Variants in ADAMTS19 observed in about 807,000 individuals in gnomAD.
ADAMTS19 encodes A disintegrin and metalloproteinase with thrombospondin motifs 19.
A neutral mutation model predicts 153.3 loss-of-function variants in ADAMTS19; 93 were observed. The ratio of observed to expected loss-of-function variants is 0.61; its 90% CI spans 0.51 to 0.72. The LOEUF (loss-of-function observed/expected upper bound fraction) is 0.72. Ranked by LOEUF, ADAMTS19 falls within the 30% of genes least tolerant of loss-of-function variation. The probability of loss-of-function intolerance (pLI) is 0.00; values close to 1 mark genes in which losing one functional copy is unlikely to be tolerated. For synonymous variants in ADAMTS19, 600 were observed against 556.6 expected, an observed-to-expected ratio of 1.08 and a Z score of -1.10; for missense variants, 1,482 against 1,552.1, an observed-to-expected ratio of 0.95 and a Z score of 0.76.
rs762828952 is a variant in ADAMTS19, at chr5:129,461,625, C to CGGCCCG, written c.620_621insGGGCCC (p.Gly208_Pro209dup). The stretch of plus-strand genomic sequence containing the variant: ...TCGCAGTGGAACAGCGGCCAAATCC[C>CGGCCCG]GGCCCCGGCCCCACGGGGGCAGCAT... On this transcript the variant is annotated inframe_insertion, in exon 2 of 23. Coordinates refer to ENST00000274487, the MANE Select transcript of ADAMTS19 (RefSeq NM_133638.6). The surrounding 1 kb of genome is among the most constrained non-coding windows in gnomAD (Gnocchi z 4.6). 1 of 1,592,510 alleles carries CGGCCCG rather than the reference C, an allele frequency of 6.3e-7. No homozygotes were observed. The highest frequency in any genetic ancestry group is 1.4e-5 in the African/African-American group (1 of 73,692).
chr5:129,602,156 G>A (rs191135822), intron 8 of ADAMTS19, among the ~76,000 whole-genome samples: 112 of 152,248 alleles, frequency 7.4e-4, no homozygotes, highest in African/African-American at 2.5e-3. Flanking sequence ...GCAATGGCAC[G>A]ATCTTGGCTC....
chr5:129,704,814 T>C (rs898451860), intron 21 of ADAMTS19, among the ~76,000 whole-genome samples: 2 of 152,122 alleles, frequency 1.3e-5, no homozygotes, highest in African/African-American at 4.8e-5. Flanking sequence ...GACAGTCATT[T>C]TCCCACCAAT....
At chr5:129,611,036 G>T in intron 8 of ADAMTS19, among the ~76,000 whole-genome samples, 1 of 152,060 alleles carries the variant, frequency 6.6e-6, no homozygotes, top group East Asian at 1.9e-4. Context: ...TTGTCTGATG[G>T]CCAGTGATGA....
intron 16 of ADAMTS19, among the ~76,000 whole-genome samples, chr5:129,677,781 C>G (rs1479494067): frequency 6.6e-6 from 1 of 152,076 alleles, no homozygotes; most frequent in African/African-American, 2.4e-5. Context: ...CCATTTTCCA[C>G]AGAATATTTT....
At chr5:129,472,412 T>C (rs533773786) in intron 2 of ADAMTS19, among the ~76,000 whole-genome samples, 2 of 152,294 alleles carry the variant, frequency 1.3e-5, no homozygotes, top group East Asian at 3.9e-4. Flanking sequence ...ATACTCTTTT[T>C]GGAAAGTTCC....
In ADAMTS19 at chr5:129,704,113, A is replaced by G. The variant is rs192679909; in HGVS notation, c.3160-126A>G. 1,003 of 987,696 alleles carry G rather than the reference A, an allele frequency of 1.0e-3. 11 individuals are homozygous for G. The African/African-American group carries it at 0.014, about 14-fold the overall frequency. The allele number at this position is 987,696 out of a possible 1,614,324, so 61.2% of individuals were successfully genotyped here. On this transcript the variant is annotated intron_variant, in intron 20 of 22. Coordinates refer to ENST00000274487, the MANE Select transcript of ADAMTS19 (RefSeq NM_133638.6). ...TGTTACCTTTAAACTTATTATTTATAATTTTATCTGGCTTTTATGGGTGAT... is the reference window on the plus strand; with the variant it reads ...TGTTACCTTTAAACTTATTATTTATGATTTTATCTGGCTTTTATGGGTGAT...
chr5:129,583,492 T>A lies in ADAMTS19; in HGVS notation c.1373-13067T>A, dbSNP rs557638714. 1.3e-4 allele frequency among the ~76,000 whole-genome samples: 20 copies of A among 152,200 alleles called. No individual in the cohort carries two copies. The South Asian group carries it at 4.1e-3, about 32-fold the overall frequency. On this transcript the variant is annotated intron_variant, in intron 7 of 22. Coordinates refer to ENST00000274487, the MANE Select transcript of ADAMTS19 (RefSeq NM_133638.6). ...GTTGGGGAAGTTCTCCTGGATAATA[T>A]CCTGAAGAGCGTTTTCCAAGTTGGT...
At chr5:129,511,133 A>G (rs558405192) in intron 3 of ADAMTS19, among the ~76,000 whole-genome samples, 18 of 152,052 alleles carry the variant, frequency 1.2e-4, no homozygotes, top group Admixed American at 2.0e-4. Flanking sequence ...AATTAATAAC[A>G]TGGTCCAAAT....
intron 8 of ADAMTS19, among the ~76,000 whole-genome samples, chr5:129,609,878 T>C (rs972477674): frequency 3.3e-5 from 5 of 152,260 alleles, no homozygotes; most frequent in African/African-American, 9.6e-5. Flanking sequence ...GAGTAGATCA[T>C]CTATTAACTT....
intron 12 of ADAMTS19, among the ~76,000 whole-genome samples, chr5:129,648,300 G>A (rs1235184694): frequency 2.6e-5 from 4 of 152,210 alleles, no homozygotes; most frequent in Non-Finnish European, 4.4e-5. Flanking sequence ...CACAGGTACA[G>A]ACAGGAATTA....
chr5:129,658,345 GAAAGAAAGAA>G lies in ADAMTS19; in HGVS notation c.2305-270_2305-261del, dbSNP rs1561632383. ...AGAAAGAAAGAAAGAAAGAAAGAAA[GAAAGAAAGAA>G]AGAAAGAAAGAAAGAGAGAGAGGAA... is the stretch of plus-strand genomic sequence containing the variant. On this transcript the variant is annotated intron_variant, in intron 14 of 22. Transcript: ENST00000274487. 3.2e-4 allele frequency among the ~76,000 whole-genome samples: 48 copies of G among 149,028 alleles called. 2 individuals carry two copies. The highest frequency in any genetic ancestry group is 3.4e-3 in the Middle Eastern group (1 of 292).
chr5:129,495,650 A>T (rs1750902921), intron 2 of ADAMTS19, among the ~76,000 whole-genome samples: 1 of 152,102 alleles, frequency 6.6e-6, no homozygotes, highest in Non-Finnish European at 1.5e-5. Context: ...ACAGAATTTT[A>T]AATATTTATC....
At chr5:129,579,437 G>A (rs1019100112) in intron 7 of ADAMTS19, among the ~76,000 whole-genome samples, 9 of 152,136 alleles carry the variant, frequency 5.9e-5, no homozygotes, top group Non-Finnish European at 1.0e-4. Context: ...AAGCTCTTTA[G>A]ATTAATTAGA....
intron 7 of ADAMTS19, among the ~76,000 whole-genome samples, chr5:129,557,915 C>T (rs1753369564): frequency 6.6e-6 from 1 of 151,342 alleles, no homozygotes; most frequent in East Asian, 1.9e-4. Context: ...TATTTTATTG[C>T]AGGTTTATTC....
chr5:129,689,405 G>C (rs1283543225), intron 18 of ADAMTS19, among the ~76,000 whole-genome samples: 3 of 152,020 alleles, frequency 2.0e-5, no homozygotes, highest in Non-Finnish European at 4.4e-5. Flanking sequence ...CATCTATAAG[G>C]GTGTGATTTG....
At chr5:129,689,112 A>G (rs719087) in intron 18 of ADAMTS19, among the ~76,000 whole-genome samples, 2,371 of 152,338 alleles carry the variant, frequency 0.016, 30 homozygotes, top group Middle Eastern at 0.031. Context: ...CCAAAATTCA[A>G]TAACCCCTTA....
intron 1 of ADAMTS19, chr5:129,460,765 A>T (rs897144264): frequency 3.6e-6 from 2 of 560,636 alleles, no homozygotes; most frequent in African/African-American, 1.9e-5. Context: ...AACGTACCTA[A>T]GTTGATAGCA....
chr5:129,629,778 G>T (rs1752207905), intron 10 of ADAMTS19, among the ~76,000 whole-genome samples: 1 of 151,972 alleles, frequency 6.6e-6, no homozygotes, highest in Non-Finnish European at 1.5e-5. Context: ...GTACCTTTAG[G>T]CCATCTGGCA....
chr5:129,721,088 T>C (rs1756988318), intron 21 of ADAMTS19, among the ~76,000 whole-genome samples: 1 of 152,242 alleles, frequency 6.6e-6, no homozygotes, highest in South Asian at 2.1e-4. Flanking sequence ...TGGCTATTTA[T>C]TGGAGCTTGT....
Sources: allele counts gnomAD v4.1 joint callset (sites outside exome capture counted in the v4.1 genomes callset), GRCh38; gene constraint gnomAD v4.1.1; non-coding constraint Gnocchi (gnomAD v3.1); transcripts MANE v1.5; gene names NCBI Gene and HGNC (gene_info 2026-07-23, HGNC 2026-07-21).